R3HDM2: variants seen among roughly 807,000 people sequenced by gnomAD.
The protein encoded by R3HDM2 is R3H domain-containing protein 2.
In R3HDM2, 38 loss-of-function variants were observed where a neutral mutation model predicts 124.5. That is an observed-to-expected ratio of 0.31 (90% CI 0.24 to 0.40). R3HDM2 has a LOEUF of 0.40. Ranked by LOEUF, R3HDM2 falls within the 10% of genes least tolerant of loss-of-function variation. R3HDM2 has a pLI of 1.00. For synonymous variants in R3HDM2, 391 were observed against 448.0 expected (o/e 0.87, Z 1.61); for missense variants, 869 against 1,236.9 (o/e 0.70, Z 4.46).
chr12:57,355,481 A>G lies in R3HDM2; in HGVS notation c.-36+40268T>C, dbSNP rs570709942. On this transcript the variant is annotated intron_variant, in intron 2 of 23. Transcript: ENST00000402412. ...CAAAAAAAAAAAAAAAAGAAAGAAA[A>G]AAAAAAGAAAGAAACACTTTTTAAA... 1.6e-4 allele frequency among the ~76,000 whole-genome samples: 25 copies of G among 151,618 alleles called. No homozygotes were observed. The South Asian group carries it at 2.5e-3, about 15-fold the overall frequency.
intron 14 of R3HDM2, among the ~76,000 whole-genome samples, chr12:57,272,837 C>T (rs1003216088): frequency 6.6e-6 from 1 of 152,174 alleles, no homozygotes; most frequent in African/African-American, 2.4e-5. Flanking sequence ...ATTCAGAACT[C>T]TGCAGCTGTT....
chr12:57,282,655 C>A (rs558427643), intron 13 of R3HDM2, among the ~76,000 whole-genome samples: 1 of 151,654 alleles, frequency 6.6e-6, no homozygotes, highest in East Asian at 1.9e-4. Flanking sequence ...AAGACCCCGA[C>A]TCTTGAAAAA....
intron 2 of R3HDM2, among the ~76,000 whole-genome samples, chr12:57,372,268 G>T (rs2063477668): frequency 6.6e-6 from 1 of 152,120 alleles, no homozygotes; most frequent in African/African-American, 2.4e-5. Context: ...CAGACACGTG[G>T]GTCCTAATGA....
At chr12:57,385,003 T>A (rs2065489069) in intron 2 of R3HDM2, among the ~76,000 whole-genome samples, 3 of 151,830 alleles carry the variant, frequency 2.0e-5, no homozygotes, top group African/African-American at 7.3e-5. Flanking sequence ...TAAAATTAGC[T>A]GGACGTTGTG....
intron 2 of R3HDM2, among the ~76,000 whole-genome samples, chr12:57,316,149 T>A (rs895619499): frequency 3.3e-5 from 5 of 152,162 alleles, no homozygotes; most frequent in African/African-American, 7.2e-5. Flanking sequence ...TGAAGAGCTG[T>A]ATAAAACAAA....
chr12:57,280,575 C>T (rs766086513), intron 13 of R3HDM2, 45 bp from the exon 14 acceptor site: 5 of 1,518,244 alleles, frequency 3.3e-6, no homozygotes, highest in East Asian at 4.7e-5. Context: ...GCATAAGCCA[C>T]GAACACATTA....
At chr12:57,414,195 C>T (rs2069311756) in intron 1 of R3HDM2, among the ~76,000 whole-genome samples, 1 of 150,130 alleles carries the variant, frequency 6.7e-6, no homozygotes, top group African/African-American at 2.4e-5. Context: ...ATAAAAATAA[C>T]AAAGAATAGG....
intron 2 of R3HDM2, among the ~76,000 whole-genome samples, chr12:57,316,977 C>CCT (rs1388839703): frequency 6.6e-6 from 1 of 152,010 alleles, no homozygotes; most frequent in Non-Finnish European, 1.5e-5. Context: ...GAACTCCTGA[C>CCT]CTCAGGTAAT....
chr12:57,361,048 C>CAAAAAAAAAA (rs35437591), intron 2 of R3HDM2, among the ~76,000 whole-genome samples: 1 of 60,058 alleles, frequency 1.7e-5, no homozygotes, highest in Non-Finnish European at 2.8e-5. Context: ...AGACACGTCT[C>CAAAAAAAAAA]AAAAAAAAAA....
At chr12:57,361,082 G>A (rs1437860259) in intron 2 of R3HDM2, among the ~76,000 whole-genome samples, 10 of 134,250 alleles carry the variant, frequency 7.4e-5, no homozygotes, top group Non-Finnish European at 3.2e-5. Context: ...GCAAAGCAAA[G>A]CAAAGCATAG....
chr12:57,378,764 A>G (rs1347537448), intron 2 of R3HDM2, among the ~76,000 whole-genome samples: 2 of 152,132 alleles, frequency 1.3e-5, no homozygotes, highest in African/African-American at 4.8e-5. Context: ...AGGGTCTCAA[A>G]CAGATATTTG....
At chr12:57,351,454 T>G (rs2060666751) in intron 2 of R3HDM2, among the ~76,000 whole-genome samples, 1 of 152,170 alleles carries the variant, frequency 6.6e-6, no homozygotes, top group Admixed American at 6.5e-5. Context: ...GTAAGGCCTG[T>G]GGATGGTGAG....
rs1021422145 is a variant in R3HDM2 at position 57,368,205 on chromosome 12, T to A, written c.-36+27544A>T. 3.7e-4 allele frequency among the ~76,000 whole-genome samples: 56 copies of A among 152,086 alleles called. 2 individuals are homozygous for A. Among genetic ancestry groups the A allele is most frequent in the Middle Eastern group, 6.8e-3 (2 of 294 alleles). ...GCTCTATCAACTTGGATCTACTTTT[T>A]AAAAAAAATTCAATGTGTATATATA... On this transcript the variant is annotated intron_variant, in intron 2 of 23. Coordinates refer to ENST00000402412, the MANE Select transcript of R3HDM2 (RefSeq NM_001394031.1).
intron 3 of R3HDM2, among the ~76,000 whole-genome samples, chr12:57,305,017 C>T (rs2052242680): frequency 6.6e-6 from 1 of 152,100 alleles, no homozygotes; most frequent in Admixed American, 6.5e-5. Flanking sequence ...AACCCTGTCT[C>T]TACTAAAAAA....
intron 2 of R3HDM2, among the ~76,000 whole-genome samples, chr12:57,387,285 G>T (rs921567928): frequency 3.3e-5 from 5 of 152,142 alleles, no homozygotes; most frequent in Non-Finnish European, 7.4e-5. Flanking sequence ...TTTATGAGCT[G>T]TAACACTCAC....
chr12:57,283,213 C>G (rs1385368707), intron 13 of R3HDM2, among the ~76,000 whole-genome samples: 1 of 152,166 alleles, frequency 6.6e-6, no homozygotes, highest in Non-Finnish European at 1.5e-5. Flanking sequence ...TCATTTTCAT[C>G]TTAGTATATA....
intron 2 of R3HDM2, among the ~76,000 whole-genome samples, chr12:57,340,098 T>C (rs369573699): frequency 3.9e-5 from 6 of 152,204 alleles, no homozygotes; most frequent in African/African-American, 1.2e-4. Flanking sequence ...AAAAGAACTT[T>C]TGGCAATTTT....
intron 2 of R3HDM2, among the ~76,000 whole-genome samples, chr12:57,379,250 G>A (rs968717357): frequency 1.1e-4 from 17 of 152,082 alleles, no homozygotes; most frequent in Admixed American, 8.5e-4. Flanking sequence ...TGGTTAAGAT[G>A]GCAAATTCTG....
At chr12:57,362,534 A>G (rs2062076337) in intron 2 of R3HDM2, among the ~76,000 whole-genome samples, 1 of 152,212 alleles carries the variant, frequency 6.6e-6, no homozygotes, top group Admixed American at 6.5e-5. Flanking sequence ...TAGACGATTA[A>G]TAGTTAAGTT....
Sources: allele counts gnomAD v4.1 joint callset (sites outside exome capture counted in the v4.1 genomes callset), GRCh38; gene constraint gnomAD v4.1.1; transcripts MANE v1.5; gene names NCBI Gene and HGNC (gene_info 2026-07-23, HGNC 2026-07-21).